Variants in GPBP1L1 observed in about 807,000 individuals in gnomAD.
GPBP1L1 encodes the protein GC-rich promoter binding protein 1 like 1.
Under a neutral mutation model 52.5 loss-of-function variants are expected in GPBP1L1, and 23 were observed. The ratio of observed to expected loss-of-function variants is 0.44; its 90% confidence interval spans 0.32 to 0.62. GPBP1L1 has a LOEUF of 0.62. Among genes scored for constraint, GPBP1L1 ranks in the 20% least tolerant of loss-of-function variants. The pLI, the probability that GPBP1L1 is intolerant of heterozygous loss-of-function variation, is 0.06. For missense variants in GPBP1L1, 596 were observed against 579.3 expected (o/e 1.03, Z -0.30); for synonymous variants, 243 against 203.1 (o/e 1.20, Z -1.67).
chr1:45,631,924 A>G (rs916987037), intron 10 of GPBP1L1, among the ~76,000 whole-genome samples: 2 of 152,144 alleles, frequency 1.3e-5, no homozygotes, highest in African/African-American at 4.8e-5. Context: ...CACTGTCTCA[A>G]AAACAAATAT....
At chr1:45,656,941 C>T (rs1644892525) in intron 4 of GPBP1L1, among the ~76,000 whole-genome samples, 1 of 152,138 alleles carries the variant, frequency 6.6e-6, no homozygotes. Context: ...CTGCCTCAGC[C>T]TCTCAAAGTG....
chr1:45,629,631 T>G lies in GPBP1L1; in HGVS notation c.1217A>C (p.Asn406Thr), dbSNP rs756914574. 1 of 1,613,412 alleles carries G rather than the reference T, an allele frequency of 6.2e-7. No individual in the cohort carries two copies. The part of the protein sequence containing the change: ...GWQEYPENDE[N>T]CLPLTEDELK... ...CTCATCCTCTGTGAGGGGAAGGCAA[T>G]TCTCATCATTTTCAGGATATTCCTG... is the stretch of plus-strand genomic sequence containing the variant. The change falls in exon 12 of 13, where the codon AAT (asparagine) becomes ACT (threonine). Residue 406 changes from asparagine (N) to threonine (T), a missense_variant. Transcript: ENST00000355105.
rs74615010 is a variant in GPBP1L1 at position 45,681,819 on chromosome 1, G to A, written c.-1098+3757C>T. On this transcript the variant is annotated intron_variant, in intron 2 of 12. Transcript: ENST00000355105. ...GCTGTAAGCAGCAAAGCTGAGATTC[G>A]AACCCAAATGGTCTGGCTACAAAGC... is the stretch of plus-strand genomic sequence containing the variant. Among the ~76,000 whole-genome samples, 680 of 152,178 alleles carry A rather than the reference G, an allele frequency of 4.5e-3. 1 individual carries two copies. Among genetic ancestry groups the A allele is most frequent in the Non-Finnish European group, 5.9e-3 (401 of 68,028 alleles).
chr1:45,664,406 A>T (rs993637685), intron 2 of GPBP1L1, among the ~76,000 whole-genome samples: 4 of 151,398 alleles, frequency 2.6e-5, no homozygotes, highest in Non-Finnish European at 4.4e-5. Flanking sequence ...CTCTACTAAA[A>T]ATACAAAAAA....
intron 2 of GPBP1L1, among the ~76,000 whole-genome samples, chr1:45,681,987 G>C (rs1012130411): frequency 6.6e-6 from 1 of 152,162 alleles, no homozygotes; most frequent in Non-Finnish European, 1.5e-5. Context: ...ATCTCTTGTA[G>C]AAGGGTTAAT....
intron 2 of GPBP1L1, among the ~76,000 whole-genome samples, chr1:45,671,799 T>C (rs1645076308): frequency 6.6e-6 from 1 of 151,656 alleles, no homozygotes; most frequent in Non-Finnish European, 1.5e-5. Flanking sequence ...ACTCCAGGCC[T>C]GGGTGACAGA....
chr1:45,684,481 T>C (rs1207825419), intron 2 of GPBP1L1, among the ~76,000 whole-genome samples: 1 of 152,014 alleles, frequency 6.6e-6, no homozygotes, highest in Non-Finnish European at 1.5e-5. Context: ...TTCTTATCAT[T>C]CTAAATTTAA....
At chr1:45,633,425 A>C in intron 10 of GPBP1L1, 64 bp downstream of exon 10, 4 of 1,538,966 alleles carry the variant, frequency 2.6e-6, no homozygotes, top group South Asian at 2.3e-5. Context: ...TTTAAGAAGA[A>C]GAAATCACGT....
chr1:45,654,938 A>C, intron 5 of GPBP1L1, 109 bp from the exon 6 acceptor site: 1 of 1,143,630 alleles, frequency 8.7e-7, no homozygotes, highest in East Asian at 2.6e-5. Flanking sequence ...CCACACAAAA[A>C]AAATAAAAAA....
At chr1:45,666,202 C>T (rs1009710377) in intron 2 of GPBP1L1, among the ~76,000 whole-genome samples, 3 of 151,802 alleles carry the variant, frequency 2.0e-5, no homozygotes, top group Non-Finnish European at 4.4e-5. Context: ...CAACCTCCAT[C>T]CCCCAGTGGC....
intron 6 of GPBP1L1, among the ~76,000 whole-genome samples, chr1:45,644,796 G>C (rs551811360): frequency 1.4e-3 from 215 of 152,246 alleles, no homozygotes; most frequent in African/African-American, 4.9e-3. Flanking sequence ...GGTGCTCATA[G>C]CCTAAAACTG....
intron 2 of GPBP1L1, among the ~76,000 whole-genome samples, chr1:45,669,473 G>A (rs1158296966): frequency 6.6e-6 from 1 of 152,176 alleles, no homozygotes; most frequent in African/African-American, 2.4e-5. Context: ...AGCTCTATGG[G>A]AAAATCTAAA....
At chr1:45,674,905 A>G (rs989692345) in intron 2 of GPBP1L1, among the ~76,000 whole-genome samples, 3 of 152,370 alleles carry the variant, frequency 2.0e-5, no homozygotes, top group Middle Eastern at 3.4e-3. Flanking sequence ...GAGTAGCTGT[A>G]CTTTTTTCGG....
intron 6 of GPBP1L1, among the ~76,000 whole-genome samples, chr1:45,649,748 C>T (rs1000115167): frequency 7.9e-5 from 12 of 152,058 alleles, no homozygotes; most frequent in African/African-American, 2.9e-4. Context: ...TTTTAAAATG[C>T]TAATACCTCC....
intron 7 of GPBP1L1, among the ~76,000 whole-genome samples, chr1:45,642,133 C>T (rs1206411443): frequency 6.6e-6 from 1 of 152,192 alleles, no homozygotes; most frequent in Non-Finnish European, 1.5e-5. Flanking sequence ...ATGAGACTGT[C>T]TCAAACAAAC....
upstream of GPBP1L1, chr1:45,688,086 A>G (rs1645311792): frequency 6.6e-6 from 1 of 152,180 alleles, no homozygotes; most frequent in South Asian, 2.1e-4. Context: ...GCCCCCAAAC[A>G]GAAAGCCGGG....
intron 12 of GPBP1L1, 42 bp downstream of exon 12, chr1:45,629,534 C>T: frequency 9.8e-7 from 1 of 1,022,530 alleles, no homozygotes; most frequent in Non-Finnish European, 1.4e-6. Flanking sequence ...CCTTATTCTC[C>T]TGGTTACTAA....
At chr1:45,646,815 C>G (rs1644753215) in intron 6 of GPBP1L1, among the ~76,000 whole-genome samples, 1 of 152,074 alleles carries the variant, frequency 6.6e-6, no homozygotes, top group Non-Finnish European at 1.5e-5. Flanking sequence ...CCTCGGCCTC[C>G]CAAACTGCTG....
In GPBP1L1 at chr1:45,638,280, A is replaced by G. The variant is rs74885550; in HGVS notation, c.744+1930T>C. 4.3e-3 allele frequency among the ~76,000 whole-genome samples: 659 copies of G among 152,216 alleles called. 3 individuals are homozygous for G. The highest frequency in any genetic ancestry group is 0.015 in the African/African-American group (624 of 41,508). ...TTCACTTATCTTTTCCACTGCCTAT[A>G]TTCTATCTAGTTCCTTTTACTGTCA... On this transcript the variant is annotated intron_variant, in intron 8 of 12. Transcript: ENST00000355105.
Sources: allele counts gnomAD v4.1 joint callset (sites outside exome capture counted in the v4.1 genomes callset), GRCh38; gene constraint gnomAD v4.1.1; transcripts MANE v1.5; gene names NCBI Gene and HGNC (gene_info 2026-07-23, HGNC 2026-07-21).